NOS1AP: variants seen among roughly 807,000 people sequenced by gnomAD.
NOS1AP encodes nitric oxide synthase 1 adaptor protein.
Under a neutral mutation model 56.2 loss-of-function variants are expected in NOS1AP, and 21 were observed. That is an observed-to-expected ratio of 0.37 (90% CI 0.26 to 0.54). The LOEUF (loss-of-function observed/expected upper bound fraction) is 0.54, where lower values mean the gene tolerates loss of function less well. Ranked by LOEUF, NOS1AP falls within the 20% of genes least tolerant of loss-of-function variation. The pLI is 0.84. For synonymous variants in NOS1AP, 270 were observed against 274.6 expected (o/e 0.98, Z 0.17); for missense variants, 522 against 657.8 (o/e 0.79, Z 2.26).
intron 1 of NOS1AP, among the ~76,000 whole-genome samples, chr1:162,090,817 C>A (rs1460483577): frequency 1.3e-5 from 2 of 151,988 alleles, no homozygotes; most frequent in Non-Finnish European, 2.9e-5. Flanking sequence ...TCATGCCTTG[C>A]ATAATTTAAA....
chr1:162,091,419 C>T (rs16851902), intron 1 of NOS1AP, among the ~76,000 whole-genome samples: 17,534 of 152,098 alleles, frequency 0.12, 2,212 homozygotes, highest in African/African-American at 0.31. Flanking sequence ...GATTTGTCTC[C>T]GATAACTTGT....
At chr1:162,304,684 A>T (rs770172702) in intron 4 of NOS1AP, among the ~76,000 whole-genome samples, 1 of 152,064 alleles carries the variant, frequency 6.6e-6, no homozygotes, top group African/African-American at 2.4e-5. Context: ...AAAACAAAGA[A>T]ATAAACTTTA....
At chr1:162,094,643 A>G (rs1385543515) in intron 1 of NOS1AP, among the ~76,000 whole-genome samples, 2 of 152,182 alleles carry the variant, frequency 1.3e-5, no homozygotes, top group African/African-American at 4.8e-5. Flanking sequence ...ATTCTGGGAC[A>G]TTTTAGGGAC....
intron 2 of NOS1AP, among the ~76,000 whole-genome samples, chr1:162,190,493 AAAT>A (rs1200845711): frequency 1.3e-5 from 2 of 152,142 alleles, no homozygotes; most frequent in Non-Finnish European, 2.9e-5. Flanking sequence ...TTTAATTGAC[AAAT>A]AATGTGCATA....
At chr1:162,233,152 T>C (rs146321121) in intron 2 of NOS1AP, among the ~76,000 whole-genome samples, 198 of 152,352 alleles carry the variant, frequency 1.3e-3, no homozygotes, top group African/African-American at 4.5e-3. Flanking sequence ...GGCCAAGCAC[T>C]GGCATTTCTA....
In NOS1AP at chr1:162,182,635, T is replaced by G. The variant is rs575324454; in HGVS notation, c.177+28159T>G. Among the ~76,000 whole-genome samples, 274 of 152,360 alleles carry G rather than the reference T, an allele frequency of 1.8e-3. 1 individual carries two copies. The highest frequency in any genetic ancestry group is 6.1e-3 in the African/African-American group (255 of 41,586). On this transcript the variant is annotated intron_variant, in intron 2 of 9. Transcript: ENST00000361897. Reference sequence around the variant, plus strand: ...AACTCTGCTGCACTGCTTTATCAACTAAGTTTATCTAAATCTTTGTTGCCA... The same window carrying G: ...AACTCTGCTGCACTGCTTTATCAACGAAGTTTATCTAAATCTTTGTTGCCA...
At chr1:162,244,183 G>A (rs1343261897) in intron 2 of NOS1AP, among the ~76,000 whole-genome samples, 1 of 152,138 alleles carries the variant, frequency 6.6e-6, no homozygotes, top group East Asian at 1.9e-4. Flanking sequence ...CCAGACTGGT[G>A]GGGCAGGGTC....
chr1:162,370,387 G>A lies in NOS1AP; in HGVS notation c.*2920G>A, dbSNP rs1435850189. On this transcript the variant is annotated 3_prime_UTR_variant, in exon 10 of 10. Transcript: ENST00000361897. The stretch of plus-strand genomic sequence containing the variant: ...TAACTCTGTTGGATCAACTCTCTGG[G>A]AAAAGATTCTGTTAATGTAAGTGCA... 1 of 152,158 alleles carries A rather than the reference G, an allele frequency of 6.6e-6. No homozygotes were observed. Among genetic ancestry groups the A allele is most frequent in the African/African-American group, 2.4e-5 (1 of 41,436 alleles). 9.4% of individuals were successfully genotyped at this position (152,158 alleles called of 1,614,324 possible).
chr1:162,101,362 A>G (rs1647255121), intron 1 of NOS1AP, among the ~76,000 whole-genome samples: 1 of 152,188 alleles, frequency 6.6e-6, no homozygotes, highest in Non-Finnish European at 1.5e-5. Context: ...GTTTGAAGTT[A>G]GCATGATGCC....
At chr1:162,302,839 C>T (rs550470331) in intron 4 of NOS1AP, among the ~76,000 whole-genome samples, 1 of 152,318 alleles carries the variant, frequency 6.6e-6, no homozygotes, top group East Asian at 1.9e-4. Context: ...CCCACATCCC[C>T]AAGCGACCAC....
At chr1:162,127,881 T>TC (rs1350466566) in intron 1 of NOS1AP, among the ~76,000 whole-genome samples, 1 of 152,142 alleles carries the variant, frequency 6.6e-6, no homozygotes, top group Non-Finnish European at 1.5e-5. Flanking sequence ...GGGACATAGA[T>TC]CCAAACCATA....
intron 2 of NOS1AP, among the ~76,000 whole-genome samples, chr1:162,260,380 A>C (rs1654166925): frequency 1.3e-5 from 2 of 152,136 alleles, no homozygotes; most frequent in African/African-American, 4.8e-5. Context: ...GGAAAGAGTG[A>C]GGGAGAAATA....
At chr1:162,155,808 T>C (rs1329573353) in intron 2 of NOS1AP, among the ~76,000 whole-genome samples, 1 of 152,168 alleles carries the variant, frequency 6.6e-6, no homozygotes, top group East Asian at 1.9e-4. Flanking sequence ...ATTGGTGAAA[T>C]GGATTTTAAG....
rs936029204 is a variant in NOS1AP, at chr1:162,367,580, G to C, written c.*113G>C. On this transcript the variant is annotated 3_prime_UTR_variant, in exon 10 of 10. Coordinates refer to ENST00000361897, the MANE Select transcript of NOS1AP (RefSeq NM_014697.3). The surrounding 1 kb of genome is among the most constrained non-coding windows in gnomAD (Gnocchi z 6.5). ...GCACTGCCGAGGAGAATGCCAGCCA[G>C]GGCCCGGGAGAGTGTGAGGTTTCAG... 5 of 1,185,002 alleles carry C rather than the reference G, an allele frequency of 4.2e-6. No individual in the cohort carries two copies. Among genetic ancestry groups the C allele is most frequent in the East Asian group, 2.6e-5 (1 of 38,672 alleles). The allele number at this position is 1,185,002 out of a possible 1,614,324, so 73.4% of individuals were successfully genotyped here. A position where few individuals can be genotyped will look rare whatever the true frequency, so the allele number is the denominator to read the frequency against.
chr1:162,309,343 T>C (rs1349348175), intron 4 of NOS1AP, among the ~76,000 whole-genome samples: 1 of 152,156 alleles, frequency 6.6e-6, no homozygotes, highest in Non-Finnish European at 1.5e-5. Context: ...TGACAGAATG[T>C]TAAAGACAAA....
At chr1:162,247,353 A>G (rs763994493) in intron 2 of NOS1AP, among the ~76,000 whole-genome samples, 4 of 152,184 alleles carry the variant, frequency 2.6e-5, no homozygotes, top group Non-Finnish European at 5.9e-5. Flanking sequence ...CTTTTGCAGA[A>G]CCAGAGGGAA....
At chr1:162,314,606 T>C (rs1185252814) in intron 4 of NOS1AP, among the ~76,000 whole-genome samples, 11 of 152,242 alleles carry the variant, frequency 7.2e-5, no homozygotes. Flanking sequence ...CTTCTTTCCT[T>C]GTCTTCTCTC....
At chr1:162,289,949 C>T (rs192369425) in intron 3 of NOS1AP, among the ~76,000 whole-genome samples, 32 of 152,286 alleles carry the variant, frequency 2.1e-4, no homozygotes, top group African/African-American at 7.0e-4. Flanking sequence ...ACCTTTACCA[C>T]GTGTGGTGGC....
At chr1:162,266,979 T>A (rs530029297) in intron 2 of NOS1AP, among the ~76,000 whole-genome samples, 1 of 152,202 alleles carries the variant, frequency 6.6e-6, no homozygotes, top group Non-Finnish European at 1.5e-5. Flanking sequence ...TGGTACCAGA[T>A]CCTCTCTTTC....
Sources: allele counts gnomAD v4.1 joint callset (sites outside exome capture counted in the v4.1 genomes callset), GRCh38; gene constraint gnomAD v4.1.1; non-coding constraint Gnocchi (gnomAD v3.1); transcripts MANE v1.5; gene names NCBI Gene and HGNC (gene_info 2026-07-23, HGNC 2026-07-21).